The following DPP6 variants were observed in gnomAD, a reference collection of about 807,000 sequenced individuals.
DPP6 encodes the protein dipeptidyl peptidase like 6.
A neutral mutation model predicts 122.6 loss-of-function variants in DPP6; 69 were observed. The ratio of observed to expected loss-of-function variants is 0.56; its 90% CI spans 0.46 to 0.69. The LOEUF is 0.69. Among genes scored for constraint, DPP6 ranks in the 30% least tolerant of loss-of-function variants. DPP6 has a pLI of 0.00. For missense variants in DPP6, 928 were observed against 1,116.9 expected (o/e 0.83, Z 2.41); for synonymous variants, 418 against 433.1 (o/e 0.97, Z 0.43).
At chr7:154,610,758 T>A (rs1252813999) in intron 5 of DPP6, among the ~76,000 whole-genome samples, 1 of 151,184 alleles carries the variant, frequency 6.6e-6, no homozygotes, top group Non-Finnish European at 1.5e-5. Flanking sequence ...TGTGCACCTG[T>A]ATTTGCGTTT....
intron 1 of DPP6, among the ~76,000 whole-genome samples, chr7:154,276,662 G>A (rs904349927): frequency 6.6e-6 from 1 of 152,170 alleles, no homozygotes; most frequent in Admixed American, 6.5e-5. Context: ...GTCAGTTCTT[G>A]CTGTTCACAG....
chr7:154,637,261 A>G (rs531833012), intron 5 of DPP6, among the ~76,000 whole-genome samples: 15 of 152,298 alleles, frequency 9.8e-5, no homozygotes, highest in African/African-American at 3.4e-4. Context: ...GATACTTCCA[A>G]CTGCCCTTTT....
chr7:154,023,070 A>G (rs1039978794), intron 1 of DPP6, among the ~76,000 whole-genome samples: 45 of 152,158 alleles, frequency 3.0e-4, no homozygotes, highest in Admixed American at 2.8e-3. Flanking sequence ...CTCTGGATCC[A>G]TCATGCTATA....
At chr7:153,937,253 G>C (rs1365778727) in intron 1 of DPP6, among the ~76,000 whole-genome samples, 1 of 152,138 alleles carries the variant, frequency 6.6e-6, no homozygotes, top group Non-Finnish European at 1.5e-5. Flanking sequence ...GAGGAGGTGG[G>C]GCTGTAAGAT....
chr7:154,315,833 A>C (rs1317027999), intron 1 of DPP6, among the ~76,000 whole-genome samples: 1 of 152,206 alleles, frequency 6.6e-6, no homozygotes, highest in African/African-American at 2.4e-5. Flanking sequence ...CATAGGGGTC[A>C]GTTTAACTAA....
intron 6 of DPP6, among the ~76,000 whole-genome samples, chr7:154,652,155 T>C (rs12719711): frequency 0.12 from 18,574 of 152,164 alleles, 1,495 homozygotes; most frequent in Non-Finnish European, 0.18. Flanking sequence ...CTGGTAATTA[T>C]GCCCGGCACC....
At chr7:154,209,207 G>A (rs1244569547) in intron 1 of DPP6, among the ~76,000 whole-genome samples, 3 of 151,458 alleles carry the variant, frequency 2.0e-5, no homozygotes, top group African/African-American at 7.3e-5. Context: ...TGCAAAGGTT[G>A]TCTCAGTCGT....
chr7:154,364,480 G>A (rs1811988659), intron 1 of DPP6, among the ~76,000 whole-genome samples: 1 of 152,074 alleles, frequency 6.6e-6, no homozygotes, highest in Non-Finnish European at 1.5e-5. Context: ...TTAACAAGCT[G>A]TAAAACTGCT....
At chr7:154,491,169 T>C (rs2151387558) in intron 3 of DPP6, among the ~76,000 whole-genome samples, 1 of 152,358 alleles carries the variant, frequency 6.6e-6, no homozygotes, top group Non-Finnish European at 1.5e-5. Flanking sequence ...TTTTACTGAA[T>C]ATAAAGTACT....
At chr7:154,490,485 G>C (rs1372371814) in intron 3 of DPP6, among the ~76,000 whole-genome samples, 1 of 152,200 alleles carries the variant, frequency 6.6e-6, no homozygotes, top group Non-Finnish European at 1.5e-5. Context: ...GTGGCTGCCT[G>C]GGGCTCTGAA....
Position 154,551,986 on chromosome 7 carries a change from C to T in DPP6, c.552+11360C>T, listed in dbSNP as rs180874648. On this transcript the variant is annotated intron_variant, in intron 4 of 25. Coordinates refer to ENST00000377770, the MANE Select transcript of DPP6 (RefSeq NM_130797.4). ...GAAGTAAGTCTTCCATTCAATTTGT[C>T]TAATTCTAAATCCAGCTTTTTCCAA... Among the ~76,000 whole-genome samples the T allele has an allele frequency of 2.5e-3, 380 of 152,286 alleles. 1 individual carries two copies. The highest frequency in any genetic ancestry group is 4.5e-3 in the Non-Finnish European group (304 of 68,018).
chr7:154,250,843 G>A (rs1443574455), intron 1 of DPP6, among the ~76,000 whole-genome samples: 1 of 152,184 alleles, frequency 6.6e-6, no homozygotes, highest in Non-Finnish European at 1.5e-5. Flanking sequence ...TTGCCTGGAG[G>A]CACATAGGCT....
chr7:154,363,189 C>T lies in DPP6; in HGVS notation c.244-83025C>T, dbSNP rs536250083. ...CACAGAAGCCAGCCACAGTGACCAG[C>T]CCTCCTGAGGGTTGGCCATGAACTG... On this transcript the variant is annotated intron_variant, in intron 1 of 25. Transcript: ENST00000377770. 2.0e-5 allele frequency among the ~76,000 whole-genome samples: 3 copies of T among 152,286 alleles called. No homozygotes were observed. In the East Asian group the frequency reaches 5.8e-4, roughly 29 times the overall value.
intron 1 of DPP6, among the ~76,000 whole-genome samples, chr7:154,008,799 C>T (rs1397275635): frequency 6.6e-6 from 1 of 150,460 alleles, no homozygotes; most frequent in Non-Finnish European, 1.5e-5. Context: ...GTAGCTGGGA[C>T]TACAGGCGCC....
At chr7:154,794,610 G>T (rs994198839) in intron 11 of DPP6, among the ~76,000 whole-genome samples, 2 of 152,238 alleles carry the variant, frequency 1.3e-5, no homozygotes, top group African/African-American at 2.4e-5. Context: ...GGCTCCAGGC[G>T]TGCGTCCCTC....
In DPP6 at chr7:154,368,030, A is replaced by C. The variant is rs1248875272; in HGVS notation, c.244-78184A>C. Among the ~76,000 whole-genome samples, 3 of 152,054 alleles carry C rather than the reference A, an allele frequency of 2.0e-5. No individual in the cohort carries two copies. In the East Asian group the frequency reaches 5.8e-4, roughly 29 times the overall value. ...ACCATGTTGGCCAGGCTGGTCTCGA[A>C]CTCCTGACCTTGTGATTCACCTGCC... On this transcript the variant is annotated intron_variant, in intron 1 of 25. Coordinates refer to ENST00000377770, the MANE Select transcript of DPP6 (RefSeq NM_130797.4).
intron 1 of DPP6, among the ~76,000 whole-genome samples, chr7:154,341,441 A>C (rs986326762): frequency 1.3e-5 from 2 of 152,116 alleles, no homozygotes; most frequent in Admixed American, 6.5e-5. Flanking sequence ...TGCCTTTCTC[A>C]TACTCTGTAG....
In DPP6 at chr7:154,337,738, C is replaced by T. The variant is rs571220061; in HGVS notation, c.244-108476C>T. Among the ~76,000 whole-genome samples the T allele has an allele frequency of 3.3e-5, 5 of 152,314 alleles. No homozygotes were observed. In the South Asian group the frequency reaches 6.2e-4, roughly 19 times the overall value. On this transcript the variant is annotated intron_variant, in intron 1 of 25. Transcript: ENST00000377770. Reference sequence around the variant, plus strand: ...AGGGATAAAAGATGGAGGAAGTCACCTCTTTTAGCAGAGTTTGCACTTTGA... The same window carrying T: ...AGGGATAAAAGATGGAGGAAGTCACTTCTTTTAGCAGAGTTTGCACTTTGA...
chr7:154,632,253 T>C (rs1289010558), intron 5 of DPP6, among the ~76,000 whole-genome samples: 3 of 152,182 alleles, frequency 2.0e-5, no homozygotes, highest in African/African-American at 7.2e-5. Flanking sequence ...ACTTAAAACA[T>C]GTAAGGAGGC....
Sources: allele counts gnomAD v4.1 joint callset (sites outside exome capture counted in the v4.1 genomes callset), GRCh38; gene constraint gnomAD v4.1.1; transcripts MANE v1.5; gene names NCBI Gene and HGNC (gene_info 2026-07-23, HGNC 2026-07-21).